The following GPR149 variants were observed in gnomAD, a reference collection of about 807,000 sequenced individuals.
The protein encoded by GPR149 is G protein-coupled receptor 149, also known as probable G protein-coupled receptor 149.
In GPR149, 50 loss-of-function variants were observed where a neutral mutation model predicts 50.2. That is an observed-to-expected ratio of 1.00 (90% CI 0.79 to 1.26). The LOEUF (loss-of-function observed/expected upper bound fraction) is 1.26, where lower values mean the gene tolerates loss of function less well. GPR149 is among the 50% of genes most tolerant of loss of function. The pLI is 0.00. For synonymous variants in GPR149, 405 were observed against 358.2 expected (o/e 1.13, Z -1.48); for missense variants, 983 against 895.4 (o/e 1.10, Z -1.25).
At chr3:154,428,252 C>G (rs1378099109) in intron 1 of GPR149, among the ~76,000 whole-genome samples, 1 of 152,174 alleles carries the variant, frequency 6.6e-6, no homozygotes, top group Non-Finnish European at 1.5e-5. Context: ...AATGGAACGG[C>G]GAGAAAGGGA....
intron 3 of GPR149, among the ~76,000 whole-genome samples, chr3:154,396,537 T>A (rs908099227): frequency 3.9e-5 from 6 of 152,138 alleles, no homozygotes; most frequent in African/African-American, 1.4e-4. Context: ...TTTAGACAGT[T>A]TAAATTAATC....
intron 3 of GPR149, among the ~76,000 whole-genome samples, chr3:154,360,000 T>C (rs1714342019): frequency 1.1e-5 from 1 of 93,000 alleles, no homozygotes; most frequent in South Asian, 5.0e-4. Flanking sequence ...ACAAGGAAAG[T>C]GTCCAGTCTC....
intron 3 of GPR149, among the ~76,000 whole-genome samples, chr3:154,361,394 G>A (rs1369918606): frequency 6.6e-6 from 1 of 152,152 alleles, no homozygotes; most frequent in African/African-American, 2.4e-5. Flanking sequence ...ATACATAAAA[G>A]TACGTGTCCT....
In GPR149 at chr3:154,413,399, A is replaced by G. The variant is rs915327393; in HGVS notation, c.1623+7640T>C. 7.9e-5 allele frequency among the ~76,000 whole-genome samples: 12 copies of G among 152,076 alleles called. No homozygotes were observed. The South Asian group carries it at 1.0e-3, about 13-fold the overall frequency. ...CATGGGAAAAAAATCTTTATAATCTATACATCAGACAAAAGAGTGATATCT... is the reference window on the plus strand; with the variant it reads ...CATGGGAAAAAAATCTTTATAATCTGTACATCAGACAAAAGAGTGATATCT... On this transcript the variant is annotated intron_variant, in intron 3 of 3. Coordinates refer to ENST00000389740, the MANE Select transcript of GPR149 (RefSeq NM_001038705.3).
At chr3:154,360,361 A>AATCAAGGCTG (rs1714349623) in intron 3 of GPR149, among the ~76,000 whole-genome samples, 1 of 152,244 alleles carries the variant, frequency 6.6e-6, no homozygotes, top group African/African-American at 2.4e-5. Context: ...GTTTAACAAG[A>AATCAAGGCTG]ATCAAGGCTG....
chr3:154,378,577 T>C (rs956648643), intron 3 of GPR149, among the ~76,000 whole-genome samples: 26 of 152,344 alleles, frequency 1.7e-4, no homozygotes, highest in Non-Finnish European at 3.8e-4. Flanking sequence ...AAGTTTATGT[T>C]TAATTTTTAA....
intron 3 of GPR149, among the ~76,000 whole-genome samples, chr3:154,362,742 ATT>A (rs397760704): frequency 6.6e-6 from 1 of 151,936 alleles, no homozygotes; most frequent in Non-Finnish European, 1.5e-5. Flanking sequence ...TTATTATTAT[ATT>A]TTTTTATTAT....
chr3:154,424,982 A>G (rs535713700), intron 2 of GPR149, among the ~76,000 whole-genome samples: 1 of 152,078 alleles, frequency 6.6e-6, no homozygotes, highest in African/African-American at 2.4e-5. Context: ...AATGAGTCTG[A>G]AAGCCATATC....
chr3:154,396,135 T>A (rs765112943), intron 3 of GPR149, among the ~76,000 whole-genome samples: 14 of 152,192 alleles, frequency 9.2e-5, no homozygotes, highest in Non-Finnish European at 1.6e-4. Context: ...TTCATTCGGA[T>A]CAACTCCCAT....
At position 154,415,611 on chromosome 3, in the gene GPR149, C is replaced by CT. The variant is rs577886564; in HGVS notation, c.1623+5427dup. Among the ~76,000 whole-genome samples, 816 of 151,856 alleles carry CT rather than the reference C, an allele frequency of 5.4e-3. 7 individuals are homozygous for CT. Among genetic ancestry groups the CT allele is most frequent in the African/African-American group, 0.018 (758 of 41,470 alleles). On this transcript the variant is annotated intron_variant, in intron 3 of 3. Coordinates refer to ENST00000389740, the MANE Select transcript of GPR149 (RefSeq NM_001038705.3). ...AGCGCATGCAGTACATGCAGCAGGACTTTTTTTGGTTTGTATGTTTTTGTC... is the reference window on the plus strand; with the variant it reads ...AGCGCATGCAGTACATGCAGCAGGACTTTTTTTTGGTTTGTATGTTTTTGTC...
At chr3:154,426,871 CGTGTGTGTGTGTGTGTGT>C (rs61087162) in intron 2 of GPR149, among the ~76,000 whole-genome samples, 7 of 144,432 alleles carry the variant, frequency 4.8e-5, no homozygotes, top group South Asian at 4.6e-4. Context: ...TGGACCAGGG[CGTGTGTGTGTGTGTGTGT>C]GTGTGTGTGT....
In GPR149 at chr3:154,338,208, G is replaced by T. The variant is rs1713702813; in HGVS notation, c.1687C>A (p.Pro563Thr). Residue 563 changes from proline to threonine, a missense_variant, in exon 4 of 4, where the codon CCT becomes ACT. By Grantham distance (38) the Pro-to-Thr change is conservative. Coordinates refer to ENST00000389740, the MANE Select transcript of GPR149 (RefSeq NM_001038705.3). ...GAAAGAGATAGGGTTTTCCCTGTAG[G>T]TGCATGGAGAGACACAGTCCCCTGG... ...AFQGTVSLHA[P>T]TGKTLSLSTY... 2 of 1,613,566 alleles carry T rather than the reference G, an allele frequency of 1.2e-6. No homozygotes were observed. Among genetic ancestry groups the T allele is most frequent in the Non-Finnish European group, 1.7e-6 (2 of 1,179,794 alleles).
At chr3:154,356,081 G>T (rs577968623) in intron 3 of GPR149, among the ~76,000 whole-genome samples, 16 of 152,252 alleles carry the variant, frequency 1.1e-4, no homozygotes, top group African/African-American at 3.9e-4. Context: ...GAGTAAATGA[G>T]CACTTGGGAC....
At chr3:154,391,664 T>G (rs1715174913) in intron 3 of GPR149, among the ~76,000 whole-genome samples, 1 of 151,668 alleles carries the variant, frequency 6.6e-6, no homozygotes, top group Non-Finnish European at 1.5e-5. Context: ...TGTAGCTGAA[T>G]GGATGAAAAA....
chr3:154,338,167 G>T lies in GPR149; in HGVS notation c.1728C>A (p.Ser576Arg), dbSNP rs780077517. 1 of 1,614,062 alleles carries T rather than the reference G, an allele frequency of 6.2e-7. No homozygotes were observed. The highest frequency in any genetic ancestry group is 8.5e-7 in the Non-Finnish European group (1 of 1,179,978). Residue 576 changes from serine (S) to arginine (R), a missense_variant, in exon 4 of 4, where the codon AGC (serine) becomes AGA (arginine). Coordinates refer to ENST00000389740, the MANE Select transcript of GPR149 (RefSeq NM_001038705.3). ...KTLSLSTYEV[S>R]AEGQKITPAS... is the part of the protein sequence containing the mutation. The stretch of plus-strand genomic sequence containing the variant: ...CTGGAGTTATTTTTTGCCCTTCTGC[G>T]CTTACCTCATAGGTAGAAAGAGATA...
intron 3 of GPR149, among the ~76,000 whole-genome samples, chr3:154,339,974 A>G (rs1029843510): frequency 6.6e-6 from 1 of 151,036 alleles, no homozygotes; most frequent in Non-Finnish European, 1.5e-5. Context: ...GTATTTTTTT[A>G]TTAGAGACGG....
intron 3 of GPR149, among the ~76,000 whole-genome samples, chr3:154,398,037 A>T (rs1447129524): frequency 6.6e-6 from 1 of 152,186 alleles, no homozygotes; most frequent in African/African-American, 2.4e-5. Flanking sequence ...TATGTGCTAC[A>T]CATTCTTTAT....
At chr3:154,370,737 T>G (rs1209263145) in intron 3 of GPR149, among the ~76,000 whole-genome samples, 4 of 152,092 alleles carry the variant, frequency 2.6e-5, no homozygotes, top group Non-Finnish European at 5.9e-5. Flanking sequence ...TCTTCTCAGT[T>G]TTAATCTCCT....
intron 3 of GPR149, among the ~76,000 whole-genome samples, chr3:154,400,951 C>G (rs1375776616): frequency 6.6e-6 from 1 of 152,170 alleles, no homozygotes; most frequent in African/African-American, 2.4e-5. Context: ...TGGACACACA[C>G]TAGACTTTTA....
Sources: gnomAD v4.1 joint callset for allele counts (sites outside exome capture counted in the v4.1 genomes callset) on GRCh38, gnomAD v4.1.1 for gene constraint, MANE v1.5 for transcripts, NCBI Gene and HGNC (gene_info 2026-07-23, HGNC 2026-07-21) for gene names.